CTR9: variants seen among roughly 807,000 people sequenced by gnomAD.
CTR9 encodes CTR9 component of Paf1/RNA polymerase II complex, also known as RNA polymerase-associated protein CTR9 homolog.
A neutral mutation model predicts 152.1 loss-of-function variants in CTR9; 41 were observed. The observed-to-expected ratio is 0.27, with a 90% confidence interval of 0.21 to 0.35. CTR9 has a LOEUF of 0.35. Among genes scored for constraint, CTR9 ranks in the 10% least tolerant of loss-of-function variants. The pLI is 1.00. For synonymous variants in CTR9, 476 were observed against 496.2 expected, an observed-to-expected ratio of 0.96 and a Z score of 0.54; for missense variants, 917 against 1,424.4, an observed-to-expected ratio of 0.64 and a Z score of 5.73.
chr11:10,770,235 A>G lies in CTR9; in HGVS notation c.2135A>G (p.Tyr712Cys), dbSNP rs991851483. The change falls in exon 17 of 25, where the codon TAT becomes TGT. Residue 712 changes from tyrosine (Y) to cysteine (C), a missense_variant. Around this residue, in one of 9 missense-constraint regions of CTR9, gnomAD observed 106 missense variants for 157.8 expected, o/e 0.67. Coordinates refer to ENST00000361367, the MANE Select transcript of CTR9 (RefSeq NM_014633.5). ...QMYENCLRKF[Y>C]KHQNTEVVLY... is the part of the protein sequence containing the mutation. Reference sequence around the variant, plus strand: ...TATGAAAACTGCCTCCGAAAGTTCTATAAGCACCAAAACACTGAAGTTGTA... The same window carrying G: ...TATGAAAACTGCCTCCGAAAGTTCTGTAAGCACCAAAACACTGAAGTTGTA... The G allele has an allele frequency of 3.7e-6, 6 of 1,612,984 alleles. No individual in the cohort carries two copies. The highest frequency in any genetic ancestry group is 5.1e-6 in the Non-Finnish European group (6 of 1,179,700).
chr11:10,774,277 G>C, intron 22 of CTR9, 108 bp downstream of exon 22: 1 of 1,377,490 alleles, frequency 7.3e-7, no homozygotes, highest in Non-Finnish European at 9.7e-7. Context: ...GATCCAAACA[G>C]TGAAGCTTTT....
At chr11:10,758,918 C>T (rs1285982135) in intron 5 of CTR9, among the ~76,000 whole-genome samples, 1 of 152,164 alleles carries the variant, frequency 6.6e-6, no homozygotes, top group African/African-American at 2.4e-5. Flanking sequence ...TTAACTTTTT[C>T]ACTTTGGAAA....
At chr11:10,760,084 A>C (rs1862952579) in intron 5 of CTR9, 89 bp from the exon 6 acceptor site, 7 of 1,440,418 alleles carry the variant, frequency 4.9e-6, no homozygotes, top group Non-Finnish European at 6.7e-6. Context: ...GGGATTTTGC[A>C]ACTCATAAAT....
At chr11:10,760,101 T>G (rs1862952803) in intron 5 of CTR9, 72 bp from the exon 6 acceptor site, 1 of 1,539,722 alleles carries the variant, frequency 6.5e-7, no homozygotes, top group Non-Finnish European at 8.9e-7. Context: ...AAATAGAGAA[T>G]GTTTAAGCAT....
intron 4 of CTR9, among the ~76,000 whole-genome samples, 161 bp downstream of exon 4, chr11:10,755,956 G>A (rs1300336538): frequency 6.6e-6 from 1 of 152,196 alleles, no homozygotes; most frequent in Non-Finnish European, 1.5e-5. Flanking sequence ...TGTTGAAATT[G>A]TAGAAATAAA....
chr11:10,777,803 C>T (rs907359567), intron 24 of CTR9, among the ~76,000 whole-genome samples: 2 of 152,206 alleles, frequency 1.3e-5, no homozygotes, highest in South Asian at 2.1e-4. Flanking sequence ...ATATATTTCA[C>T]CTCCCTCACC....
In CTR9 at chr11:10,751,283, T is replaced by C. The variant is rs956737942; in HGVS notation, c.-130T>C. 10 of 965,282 alleles carry C rather than the reference T, an allele frequency of 1.0e-5. No homozygotes were observed. Among genetic ancestry groups the C allele is most frequent in the South Asian group, 8.4e-5 (6 of 71,574 alleles). 59.8% of individuals were successfully genotyped at this position (965,282 alleles called of 1,614,324 possible). A position where few individuals can be genotyped will look rare whatever the true frequency, so the allele number is the denominator to read the frequency against. On this transcript the variant is annotated 5_prime_UTR_variant, in exon 1 of 25. Coordinates refer to ENST00000361367, the MANE Select transcript of CTR9 (RefSeq NM_014633.5). Reference sequence around the variant, plus strand: ...GCTGACGGGAAGGAGAAGCCAGAGCTCCAGCGGCGCCGCGGGGCGGCAGTC... The same window carrying C: ...GCTGACGGGAAGGAGAAGCCAGAGCCCCAGCGGCGCCGCGGGGCGGCAGTC...
At chr11:10,766,270 T>TC in intron 12 of CTR9, 132 bp from the exon 13 acceptor site, 1 of 668,526 alleles carries the variant, frequency 1.5e-6, no homozygotes, top group Non-Finnish European at 2.6e-6. Flanking sequence ...TGATATTTTT[T>TC]CACCTTTGGG....
chr11:10,773,383 C>T (rs1863175380), intron 21 of CTR9, 110 bp downstream of exon 21: 14 of 1,325,524 alleles, frequency 1.1e-5, no homozygotes, highest in Non-Finnish European at 6.3e-6. Flanking sequence ...TTGACTTCCT[C>T]TTTTGTTAAG....
chr11:10,766,066 G>A (rs1167061079), intron 12 of CTR9, among the ~76,000 whole-genome samples: 1 of 152,128 alleles, frequency 6.6e-6, no homozygotes, highest in Non-Finnish European at 1.5e-5. Flanking sequence ...TTAAAAAAAG[G>A]TAACTGACAA....
Position 10,766,505 on chromosome 11 carries a change from CTCT to C in CTR9, c.1686+17_1686+19del. On this transcript the variant is annotated intron_variant, in intron 13 of 24. Coordinates refer to ENST00000361367, the MANE Select transcript of CTR9 (RefSeq NM_014633.5). ...AGATTAATCAGGTTGGTAATATTAA[CTCT>C]TAGGTTTGAGAAATAATTATTTTCA... The C allele has an allele frequency of 6.6e-7, 1 of 1,521,362 alleles. No individual in the cohort carries two copies. The highest frequency in any genetic ancestry group is 8.9e-7 in the Non-Finnish European group (1 of 1,123,414). The allele number at this position is 1,521,362 out of a possible 1,614,324, so 94.2% of individuals were successfully genotyped here.
At chr11:10,757,317 C>T (rs1862901141) in intron 5 of CTR9, among the ~76,000 whole-genome samples, 1 of 149,892 alleles carries the variant, frequency 6.7e-6, no homozygotes, top group African/African-American at 2.5e-5. Flanking sequence ...GGTCTGGCTG[C>T]ACTGGTTCAC....
intron 7 of CTR9, among the ~76,000 whole-genome samples, chr11:10,762,531 T>A (rs1420853544): frequency 6.6e-6 from 1 of 152,202 alleles, no homozygotes; most frequent in Non-Finnish European, 1.5e-5. Flanking sequence ...TAGTGTATAA[T>A]ATACTTATGG....
chr11:10,757,581 GAA>G (rs1200011338), intron 5 of CTR9, among the ~76,000 whole-genome samples: 3 of 151,060 alleles, frequency 2.0e-5, no homozygotes, highest in Non-Finnish European at 4.4e-5. Flanking sequence ...CCTGTCTCAA[GAA>G]AAAAAAAGTC....
At chr11:10,759,608 G>A (rs12418180) in intron 5 of CTR9, among the ~76,000 whole-genome samples, 23,341 of 152,144 alleles carry the variant, frequency 0.15, 3,587 homozygotes, top group African/African-American at 0.39. Flanking sequence ...GAACGTTTAT[G>A]TGTAGATGAG....
intron 3 of CTR9, 66 bp from the exon 4 acceptor site, chr11:10,755,612 T>C (rs532297453): frequency 9.9e-7 from 1 of 1,006,964 alleles, no homozygotes; most frequent in Admixed American, 2.1e-5. Context: ...CTATTTGGTT[T>C]TCACTTTAGT....
chr11:10,774,775 A>G (rs1290335996), intron 22 of CTR9, among the ~76,000 whole-genome samples: 1 of 152,164 alleles, frequency 6.6e-6, no homozygotes, highest in Non-Finnish European at 1.5e-5. Context: ...GGCCGACTAT[A>G]TTTGGGAAAG....
At position 10,770,484 on chromosome 11, in the gene CTR9, C is replaced by T. The variant is rs753565587; in HGVS notation, c.2227-3C>T. On this transcript the variant is annotated splice_polypyrimidine_tract_variant and splice_region_variant and intron_variant, in intron 17 of 24. Coordinates refer to ENST00000361367, the MANE Select transcript of CTR9 (RefSeq NM_014633.5). ...ATATGAAATATTTATTTTTTATTCA[C>T]AGGCTAGACATGTGGCACCCAGTGA... 6.2e-7 allele frequency: 1 copy of T among 1,603,628 alleles called. No individual in the cohort carries two copies. Among genetic ancestry groups the T allele is most frequent in the Non-Finnish European group, 8.5e-7 (1 of 1,176,764 alleles).
Position 10,766,489 on chromosome 11 carries a change from A to G in CTR9, c.1685A>G (p.Gln562Arg), listed in dbSNP as rs757048465. 6.3e-7 allele frequency: 1 copy of G among 1,587,890 alleles called. No individual in the cohort carries two copies. Among genetic ancestry groups the G allele is most frequent in the Non-Finnish European group, 8.6e-7 (1 of 1,169,332 alleles). Residue 562 changes from glutamine to arginine, a missense_variant and splice_region_variant, in exon 13 of 25, where the codon CAG becomes CGG. Physicochemically the swap from Gln to Arg is conservative, Grantham distance 43. Coordinates refer to ENST00000361367, the MANE Select transcript of CTR9 (RefSeq NM_014633.5). ...DWFKEALQIN[Q>R]DHPDAWSLIG... ...TTTAAGGAAGCTCTTCAGATTAATC[A>G]GGTTGGTAATATTAACTCTTAGGTT...
Sources: gnomAD v4.1 joint callset for allele counts (sites outside exome capture counted in the v4.1 genomes callset) on GRCh38, gnomAD v4.1.1 for gene constraint, gnomAD v4.1.1 regional missense constraint, MANE v1.5 for transcripts, NCBI Gene and HGNC (gene_info 2026-07-23, HGNC 2026-07-21) for gene names.